DACH2: variants seen among roughly 807,000 people sequenced by gnomAD.
DACH2 encodes the protein dachshund family transcription factor 2.
DACH2 carries 17 observed loss-of-function variants against 35.8 expected under a neutral mutation model. That is an observed-to-expected ratio of 0.48 (90% CI 0.33 to 0.71). The LOEUF (loss-of-function observed/expected upper bound fraction) is 0.71, where lower values mean the gene tolerates loss of function less well. Among genes scored for constraint, DACH2 ranks in the 30% least tolerant of loss-of-function variants. The pLI is 0.02. For missense variants in DACH2, 469 were observed against 472.7 expected (o/e 0.99, Z 0.07); for synonymous variants, 195 against 177.3 (o/e 1.10, Z -0.79).
chrX:86,215,557 A>C (rs1467238473), intron 1 of DACH2, among the ~76,000 whole-genome samples: 1 of 111,025 alleles, frequency 9.0e-6, no homozygotes, highest in African/African-American at 3.3e-5. Context: ...ATAAAAAGGA[A>C]ACCTTTCATT....
intron 2 of DACH2, among the ~76,000 whole-genome samples, chrX:86,451,082 T>C (rs1176280526): frequency 8.9e-6 from 1 of 111,789 alleles, no homozygotes; most frequent in Non-Finnish European, 1.9e-5. Context: ...TTAGATCCAA[T>C]TTGTCAAATT....
chrX:86,458,360 A>G (rs1255999051), intron 2 of DACH2, among the ~76,000 whole-genome samples: 2 of 112,016 alleles, frequency 1.8e-5, no homozygotes, highest in Non-Finnish European at 1.9e-5. Flanking sequence ...TGAAAAGGTA[A>G]CACGCTATCT....
intron 1 of DACH2, among the ~76,000 whole-genome samples, chrX:86,208,915 A>G (rs2032380214): frequency 9.0e-6 from 1 of 111,534 alleles, no homozygotes; most frequent in Non-Finnish European, 1.9e-5. Context: ...TGCTTTAGGT[A>G]CAGTGCAGGA....
chrX:86,224,244 G>A (rs1452308485), intron 1 of DACH2, among the ~76,000 whole-genome samples: 3 of 111,263 alleles, frequency 2.7e-5, no homozygotes, highest in South Asian at 3.8e-4. Flanking sequence ...TGTTATTTAA[G>A]AGCATGTGTT....
chrX:86,477,542 C>T (rs1224172554), intron 2 of DACH2, among the ~76,000 whole-genome samples: 1 of 107,095 alleles, frequency 9.3e-6, no homozygotes. Context: ...GTATTTTCAC[C>T]CTATGTGTTT....
At chrX:86,609,561 A>G (rs2039902869) in intron 3 of DACH2, among the ~76,000 whole-genome samples, 1 of 111,387 alleles carries the variant, frequency 9.0e-6, no homozygotes, top group African/African-American at 3.3e-5. Flanking sequence ...TTGATTATTT[A>G]TTATTGTCTT....
chrX:86,684,717 A>AT (rs2040922017), intron 4 of DACH2, among the ~76,000 whole-genome samples: 2 of 110,447 alleles, frequency 1.8e-5, no homozygotes, highest in East Asian at 5.7e-4. Flanking sequence ...TACAATGTAT[A>AT]TTTTTAAAAA....
chrX:86,375,567 G>T (rs1341850039), intron 1 of DACH2, among the ~76,000 whole-genome samples: 1 of 106,599 alleles, frequency 9.4e-6, no homozygotes, highest in East Asian at 2.9e-4. Flanking sequence ...CACTGACTTG[G>T]TGTGTATGAT....
intron 3 of DACH2, among the ~76,000 whole-genome samples, chrX:86,599,696 A>T (rs961028571): frequency 3.6e-5 from 4 of 109,610 alleles, no homozygotes; most frequent in African/African-American, 1.3e-4. Context: ...GGGTTTTGCC[A>T]TGTTACCCCG....
At chrX:86,443,882 C>T (rs1386806996) in intron 2 of DACH2, among the ~76,000 whole-genome samples, 1 of 111,273 alleles carries the variant, frequency 9.0e-6, no homozygotes, top group African/African-American at 3.3e-5. Context: ...TTTTAATGTG[C>T]TGTTAAATTC....
intron 7 of DACH2, among the ~76,000 whole-genome samples, chrX:86,777,321 A>T (rs1246643901): frequency 4.5e-5 from 5 of 110,958 alleles, no homozygotes; most frequent in African/African-American, 1.6e-4. Flanking sequence ...TTTGATTTGC[A>T]TTTCTCTGAT....
intron 1 of DACH2, among the ~76,000 whole-genome samples, chrX:86,296,380 C>CAAAAAAAA (rs61713614): frequency 1.8e-4 from 12 of 68,434 alleles, no homozygotes; most frequent in East Asian, 4.4e-4. Context: ...GACTCCATCT[C>CAAAAAAAA]AAAAAAAAAA....
intron 11 of DACH2, chrX:86,829,924 T>C (rs2042597202): frequency 9.0e-6 from 1 of 111,664 alleles, no homozygotes; most frequent in Non-Finnish European, 1.9e-5. Flanking sequence ...TTTCTCTTCC[T>C]GATCTTTAAT....
At chrX:86,274,486 C>CT (rs1569324707) in intron 1 of DACH2, among the ~76,000 whole-genome samples, 23 of 12,172 alleles carry the variant, frequency 1.9e-3, no homozygotes, top group African/African-American at 0.013. Flanking sequence ...GAGACGGAGT[C>CT]TTTCTGTTTT....
chrX:86,334,775 T>C (rs1167075732), intron 1 of DACH2, among the ~76,000 whole-genome samples: 1 of 112,360 alleles, frequency 8.9e-6, no homozygotes, highest in East Asian at 2.8e-4. Context: ...AGATCCCATT[T>C]CTCAATTTTG....
chrX:86,396,144 A>G (rs1276870513), intron 2 of DACH2, among the ~76,000 whole-genome samples: 2 of 112,069 alleles, frequency 1.8e-5, no homozygotes, highest in Non-Finnish European at 3.8e-5. Context: ...GCCAGTGATG[A>G]TGAGGATTTT....
At chrX:86,355,194 A>G (rs2035622768) in intron 1 of DACH2, among the ~76,000 whole-genome samples, 1 of 112,302 alleles carries the variant, frequency 8.9e-6, no homozygotes, top group South Asian at 3.7e-4. Context: ...GCTTAGGATA[A>G]TGGCCTCCAG....
At chrX:86,204,538 T>G (rs1262582832) in intron 1 of DACH2, among the ~76,000 whole-genome samples, 3 of 111,567 alleles carry the variant, frequency 2.7e-5, no homozygotes, top group Non-Finnish European at 5.6e-5. Context: ...CTAGGTACAT[T>G]ATACACTAAA....
chrX:86,330,666 A>G (rs2035196504), intron 1 of DACH2, among the ~76,000 whole-genome samples: 1 of 111,948 alleles, frequency 8.9e-6, no homozygotes, highest in African/African-American at 3.2e-5. Flanking sequence ...AATGGTGTTA[A>G]TTGACTGCAT....
Sources: gnomAD v4.1 joint callset for allele counts (sites outside exome capture counted in the v4.1 genomes callset) on GRCh38, gnomAD v4.1.1 for gene constraint, MANE v1.5 for transcripts, NCBI Gene and HGNC (gene_info 2026-07-23, HGNC 2026-07-21) for gene names.